Variants in SLC6A15 observed in about 807,000 individuals in gnomAD.
The protein encoded by SLC6A15 is solute carrier family 6 member 15.
SLC6A15 carries 33 observed loss-of-function variants against 68.5 expected under a neutral mutation model. That is an observed-to-expected ratio of 0.48 (90% CI 0.37 to 0.64). SLC6A15 has a LOEUF of 0.64. Among genes scored for constraint, SLC6A15 ranks in the 30% least tolerant of loss-of-function variants. SLC6A15 has a pLI of 0.00. For synonymous variants in SLC6A15, 347 were observed against 301.0 expected, an observed-to-expected ratio of 1.15 and a Z score of -1.58; for missense variants, 747 against 874.3, an observed-to-expected ratio of 0.85 and a Z score of 1.84.
At position 84,881,357 on chromosome 12, in the gene SLC6A15, C is replaced by A. The variant is rs7298505; in HGVS notation, c.756+2502G>T. The A allele has an allele frequency of 0.013, 8,581 of 681,074 alleles. 516 individuals are homozygous for A. The African/African-American group carries it at 0.14, about 11-fold the overall frequency. 42.2% of individuals were successfully genotyped at this position (681,074 alleles called of 1,614,324 possible). On this transcript the variant is annotated intron_variant, in intron 5 of 11. Transcript: ENST00000266682. The stretch of plus-strand genomic sequence containing the variant: ...ATCACAACCTCCTCCATAATACCCA[C>A]TATTTGATCATAGTTTTGCTCTCTA...
chr12:84,879,606 G>A (rs2404236), intron 5 of SLC6A15, among the ~76,000 whole-genome samples: 40,314 of 151,510 alleles, frequency 0.27, 6,262 homozygotes, highest in Middle Eastern at 0.46. Flanking sequence ...GATTACAGGC[G>A]TGAGCCACCG....
At chr12:84,904,133 T>TG in intron 1 of SLC6A15, among the ~76,000 whole-genome samples, 1 of 149,428 alleles carries the variant, frequency 6.7e-6, no homozygotes, top group Non-Finnish European at 1.5e-5. Context: ...TTTTGGAAGC[T>TG]AGGCACCATG....
At chr12:84,870,719 A>T in intron 8 of SLC6A15, 49 bp from the exon 9 acceptor site, 1 of 1,201,004 alleles carries the variant, frequency 8.3e-7, no homozygotes, top group South Asian at 1.6e-5. Context: ...ATTATTAAAC[A>T]ATGGCTCTAT....
rs77601962 is a variant in SLC6A15 at position 84,885,417 on chromosome 12, G to A, written c.574+18C>T. On this transcript the variant is annotated intron_variant, in intron 4 of 11. Coordinates refer to ENST00000266682, the MANE Select transcript of SLC6A15 (RefSeq NM_182767.6). ...TATAATGCTTAAATACCAAAACACT[G>A]TATTATACATATCTTACAAGTGTGT... The A allele has an allele frequency of 8.5e-3, 13,633 of 1,604,568 alleles. 753 individuals are homozygous for A. The African/African-American group carries it at 0.14, about 17-fold the overall frequency.
chr12:84,895,016 T>G (rs1279105949), intron 1 of SLC6A15, among the ~76,000 whole-genome samples: 1 of 152,058 alleles, frequency 6.6e-6, no homozygotes, highest in Non-Finnish European at 1.5e-5. Flanking sequence ...AAAACTATAA[T>G]GAATCCTTAA....
intron 5 of SLC6A15, chr12:84,881,881 G>A (rs571048548): frequency 1.0e-6 from 1 of 985,258 alleles, no homozygotes; most frequent in East Asian, 1.1e-4. Flanking sequence ...CCACATCTTT[G>A]CTCACATTAC....
chr12:84,890,364 T>A (rs927381853), intron 2 of SLC6A15, among the ~76,000 whole-genome samples: 1 of 152,054 alleles, frequency 6.6e-6, no homozygotes, highest in African/African-American at 2.4e-5. Flanking sequence ...AAATCAGCTA[T>A]CCTCCTTAAT....
chr12:84,892,949 C>A (rs1872482644), intron 1 of SLC6A15, among the ~76,000 whole-genome samples: 1 of 152,070 alleles, frequency 6.6e-6, no homozygotes, highest in African/African-American at 2.4e-5. Context: ...ACCACCACAC[C>A]CAGCTAATTT....
At chr12:84,903,269 C>T (rs1872972238) in intron 1 of SLC6A15, among the ~76,000 whole-genome samples, 1 of 151,930 alleles carries the variant, frequency 6.6e-6, no homozygotes, top group African/African-American at 2.4e-5. Flanking sequence ...GTTTTATTAA[C>T]GTAAGGTATA....
intron 1 of SLC6A15, among the ~76,000 whole-genome samples, chr12:84,899,721 C>T (rs192510444): frequency 1.3e-5 from 2 of 152,218 alleles, no homozygotes; most frequent in African/African-American, 2.4e-5. Flanking sequence ...CATAAATACA[C>T]AAATATGTTG....
intron 1 of SLC6A15, among the ~76,000 whole-genome samples, chr12:84,910,813 A>G (rs1010028161): frequency 1.3e-5 from 2 of 152,094 alleles, no homozygotes; most frequent in Non-Finnish European, 2.9e-5. Flanking sequence ...GCCCGTACCT[A>G]TAAATGGCCC....
chr12:84,867,245 T>TCTGCTAA (rs768454503), intron 9 of SLC6A15, 52 bp from the exon 10 acceptor site: 1 of 1,400,924 alleles, frequency 7.1e-7, no homozygotes, highest in South Asian at 1.6e-5. Flanking sequence ...AGACAAGGCC[T>TCTGCTAA]TTAAACTTTA....
At chr12:84,881,708 C>G in intron 5 of SLC6A15, 1 of 921,890 alleles carries the variant, frequency 1.1e-6, no homozygotes, top group Non-Finnish European at 1.3e-6. Context: ...CATGTGCTAG[C>G]CTTAAACAAT....
At chr12:84,870,923 TACTA>T (rs372100838) in intron 8 of SLC6A15, among the ~76,000 whole-genome samples, 33 of 152,288 alleles carry the variant, frequency 2.2e-4, no homozygotes, top group African/African-American at 7.7e-4. Flanking sequence ...GTGTTGTATA[TACTA>T]ACTATTTCAC....
intron 1 of SLC6A15, among the ~76,000 whole-genome samples, chr12:84,909,182 T>A (rs980690070): frequency 2.0e-5 from 3 of 152,158 alleles, no homozygotes; most frequent in Non-Finnish European, 4.4e-5. Flanking sequence ...GTCTTCTGTA[T>A]AACAAATAAT....
chr12:84,875,643 G>T (rs1333242609), intron 6 of SLC6A15, among the ~76,000 whole-genome samples: 1 of 125,388 alleles, frequency 8.0e-6, no homozygotes, highest in Non-Finnish European at 1.7e-5. Flanking sequence ...TAATAGTGGG[G>T]TGCACCATAT....
chr12:84,872,237 A>C (rs2120573569), intron 8 of SLC6A15, among the ~76,000 whole-genome samples: 1 of 152,254 alleles, frequency 6.6e-6, no homozygotes, highest in African/African-American at 2.4e-5. Context: ...TCATGCATCA[A>C]AGCAATCATG....
intron 1 of SLC6A15, among the ~76,000 whole-genome samples, chr12:84,912,189 A>G (rs574497734): frequency 1.3e-5 from 2 of 152,062 alleles, no homozygotes; most frequent in East Asian, 1.9e-4. Context: ...CTTGGAAACG[A>G]GTAGGTCTCT....
At position 84,873,085 on chromosome 12, in the gene SLC6A15, A is replaced by C. The variant is rs1871359231; in HGVS notation, c.1109+2T>G. The C allele has an allele frequency of 6.2e-7, 1 of 1,612,808 alleles. No homozygotes were observed. The highest frequency in any genetic ancestry group is 1.1e-5 in the South Asian group (1 of 90,616). On this transcript the variant is annotated splice_donor_variant, in intron 7 of 11. Transcript: ENST00000266682. LOFTEE classifies it high-confidence loss of function. ...AAGGCAAATGGAAATTAATATTCAT[A>C]CTGTGTAATGCATTTCTCATTTATG... is the stretch of plus-strand genomic sequence containing the variant.
Sources: gnomAD v4.1 joint callset for allele counts (sites outside exome capture counted in the v4.1 genomes callset) on GRCh38, gnomAD v4.1.1 for gene constraint, MANE v1.5 for transcripts, NCBI Gene and HGNC (gene_info 2026-07-23, HGNC 2026-07-21) for gene names.